The following PDGFRB variants were observed in gnomAD, a reference collection of about 807,000 sequenced individuals.
PDGFRB encodes platelet-derived growth factor receptor beta.
A neutral mutation model predicts 120.2 loss-of-function variants in PDGFRB; 42 were observed. That is an observed-to-expected ratio of 0.35 (90% CI 0.27 to 0.45). PDGFRB has a LOEUF of 0.45. Ranked by LOEUF, PDGFRB falls within the 20% of genes least tolerant of loss-of-function variation. The pLI is 1.00. For missense variants in PDGFRB, 1,149 were observed against 1,476.3 expected, an observed-to-expected ratio of 0.78 and a Z score of 3.63; for synonymous variants, 586 against 606.8, an observed-to-expected ratio of 0.97 and a Z score of 0.50.
rs2113889398 is a variant in PDGFRB at position 150,121,184 on chromosome 5, C to T, written c.2463+20G>A. 7.2e-7 allele frequency: 1 copy of T among 1,380,422 alleles called. No homozygotes were observed. The allele number at this position is 1,380,422 out of a possible 1,614,324, so 85.5% of individuals were successfully genotyped here. On this transcript the variant is annotated intron_variant, in intron 17 of 22. Coordinates refer to ENST00000261799, the MANE Select transcript of PDGFRB (RefSeq NM_002609.4). The surrounding 1 kb of genome is among the most constrained non-coding windows in gnomAD (Gnocchi z 4.1). ...CACCTCCCCACAGCCCCCACTCTGCCCCACCAACACCACACGTACGTTCTT... is the reference window on the plus strand; with the variant it reads ...CACCTCCCCACAGCCCCCACTCTGCTCCACCAACACCACACGTACGTTCTT...
At chr5:150,122,982 G>T in intron 15 of PDGFRB, 60 bp downstream of exon 15, 1 of 1,410,974 alleles carries the variant, frequency 7.1e-7, no homozygotes, top group Non-Finnish European at 9.9e-7. Flanking sequence ...CAAAAGGAGG[G>T]GAAGGAGCGG....
At chr5:150,138,788 T>G (rs930004007) in intron 1 of PDGFRB, among the ~76,000 whole-genome samples, 4 of 152,206 alleles carry the variant, frequency 2.6e-5, no homozygotes, top group African/African-American at 9.6e-5. Context: ...CCTCCGTCGG[T>G]GCCCCTCTGG....
At position 150,123,075 on chromosome 5, in the gene PDGFRB, C is replaced by T. The variant is rs760905425; in HGVS notation, c.2150G>A (p.Ser717Asn). The change falls in exon 15 of 23, where the codon AGC becomes AAC. Residue 717 changes from serine to asparagine, a missense_variant. Around this residue, in one of 3 missense-constraint regions of PDGFRB, gnomAD observed 879 missense variants for 1,108.6 expected, o/e 0.79. Coordinates refer to ENST00000261799, the MANE Select transcript of PDGFRB (RefSeq NM_002609.4). ...KRRPPSAELY[S>N]NALPVGLPLP... Reference sequence around the variant, plus strand: ...GGGGAGCCCAACGGGCAGAGCATTGCTGTAGAGCTCCGCGCTGGGCGGGCG... The same window carrying T: ...GGGGAGCCCAACGGGCAGAGCATTGTTGTAGAGCTCCGCGCTGGGCGGGCG... 5 of 1,613,626 alleles carry T rather than the reference C, an allele frequency of 3.1e-6. No individual in the cohort carries two copies. In the South Asian group the frequency reaches 5.5e-5, roughly 18 times the overall value.
chr5:150,139,605 A>G (rs939418654), intron 1 of PDGFRB, among the ~76,000 whole-genome samples: 2 of 152,116 alleles, frequency 1.3e-5, no homozygotes, highest in African/African-American at 2.4e-5. Context: ...AATTTCCATG[A>G]CTATTCAGCC....
At position 150,115,444 on chromosome 5, in the gene PDGFRB, GA is replaced by G. The variant is rs2113879409; in HGVS notation, c.*318del. The G allele has an allele frequency of 3.6e-6, 1 of 280,794 alleles. No individual in the cohort carries two copies. The highest frequency in any genetic ancestry group is 5.4e-5 in the East Asian group (1 of 18,422). The allele number at this position is 280,794 out of a possible 1,614,324, so 17.4% of individuals were successfully genotyped here. On this transcript the variant is annotated 3_prime_UTR_variant, in exon 23 of 23. Coordinates refer to ENST00000261799, the MANE Select transcript of PDGFRB (RefSeq NM_002609.4). ...TCGGTCTCCCCACCTGTCAGCCAGG[GA>G]GAGAATCCTAGATTCTGGGTCATCA...
chr5:150,115,307 G>A lies in PDGFRB; in HGVS notation c.*456C>T, dbSNP rs1260438138. ...GGCTAGGGTCTCTTCCCTAGCTCCT[G>A]GGTGGATAAAAGTGCGAGGAGAGAG... On this transcript the variant is annotated 3_prime_UTR_variant, in exon 23 of 23. Coordinates refer to ENST00000261799, the MANE Select transcript of PDGFRB (RefSeq NM_002609.4). The A allele has an allele frequency of 4.3e-6, 1 of 233,602 alleles. No homozygotes were observed. The highest frequency in any genetic ancestry group is 8.4e-6 in the Non-Finnish European group (1 of 118,450). The allele number at this position is 233,602 out of a possible 1,614,324, so 14.5% of individuals were successfully genotyped here.
chr5:150,145,884 AT>A (rs1760909974), intron 1 of PDGFRB, among the ~76,000 whole-genome samples: 1 of 152,238 alleles, frequency 6.6e-6, no homozygotes, highest in Non-Finnish European at 1.5e-5. Flanking sequence ...TCTCAAAAAA[AT>A]AAATTAAAAA....
intron 6 of PDGFRB, 136 bp downstream of exon 6, chr5:150,133,450 A>G (rs1029386168): frequency 1.3e-6 from 1 of 747,464 alleles, no homozygotes; most frequent in Non-Finnish European, 2.3e-6. Context: ...CGGGGCTGTG[A>G]CAGGCACTGG....
At chr5:150,134,192 T>A in intron 4 of PDGFRB, 184 bp from the exon 5 acceptor site, 1 of 617,816 alleles carries the variant, frequency 1.6e-6, no homozygotes, top group South Asian at 1.9e-5. Flanking sequence ...GGAGCAACAG[T>A]AGTGAACAAA....
intron 19 of PDGFRB, 32 bp from the exon 20 acceptor site, chr5:150,119,598 G>A: frequency 7.5e-7 from 1 of 1,340,826 alleles, no homozygotes; most frequent in African/African-American, 1.4e-5. Context: ...AGATACACAG[G>A]CTCAGGGGTG....
intron 1 of PDGFRB, among the ~76,000 whole-genome samples, chr5:150,154,151 T>A (rs1339127434): frequency 6.6e-6 from 1 of 151,542 alleles, no homozygotes; most frequent in Non-Finnish European, 1.5e-5. Context: ...AGGAAGAACC[T>A]AGGAAGGCTG....
intron 3 of PDGFRB, 77 bp downstream of exon 3, chr5:150,135,478 G>T (rs1174800803): frequency 2.2e-6 from 2 of 904,060 alleles, no homozygotes; most frequent in African/African-American, 1.7e-5. Flanking sequence ...ATAAACTAAA[G>T]CACTCTCTGG....
At position 150,121,115 on chromosome 5, in the gene PDGFRB, C is replaced by G; in HGVS notation, c.2463+89G>C. 1 of 1,406,340 alleles carries G rather than the reference C, an allele frequency of 7.1e-7. No homozygotes were observed. The highest frequency in any genetic ancestry group is 1.0e-6 in the Non-Finnish European group (1 of 990,904). The allele number at this position is 1,406,340 out of a possible 1,614,324, so 87.1% of individuals were successfully genotyped here. ...TACAACACTGCCCATGTGCGAGAGG[C>G]CACCCTGGTGTGCTCTTGGAGGATG... On this transcript the variant is annotated intron_variant, in intron 17 of 22. Coordinates refer to ENST00000261799, the MANE Select transcript of PDGFRB (RefSeq NM_002609.4). The surrounding 1 kb of genome is among the most constrained non-coding windows in gnomAD (Gnocchi z 4.1).
chr5:150,135,903 T>A (rs940588066), intron 2 of PDGFRB, 25 bp from the exon 3 acceptor site: 2 of 1,495,160 alleles, frequency 1.3e-6, no homozygotes, highest in Non-Finnish European at 1.8e-6. Flanking sequence ...GTATCAGACA[T>A]CAGGAAACAG....
chr5:150,117,835 C>CAGAAG lies in PDGFRB; in HGVS notation c.2919_2920insCTTCT (p.Asp974LeufsTer7). On this transcript the variant is annotated frameshift_variant, in exon 22 of 23. Coordinates refer to ENST00000261799, the MANE Select transcript of PDGFRB (RefSeq NM_002609.4). LOFTEE classifies it high-confidence loss of function. ...TGGTCACTCCTCAGAAACTCCTCATCCACCTGCTGGTACTTCTGCTCCCGG... is the reference window on the plus strand; with the variant it reads ...TGGTCACTCCTCAGAAACTCCTCATCAGAAGCACCTGCTGGTACTTCTGCTCCCGG... 1 of 1,608,360 alleles carries CAGAAG rather than the reference C, an allele frequency of 6.2e-7. No individual in the cohort carries two copies. The highest frequency in any genetic ancestry group is 1.1e-5 in the South Asian group (1 of 90,804).
Position 150,137,037 on chromosome 5 carries a change from G to A in PDGFRB, c.11C>T (p.Pro4Leu), listed in dbSNP as rs144923639. 21 of 1,613,530 alleles carry A rather than the reference G, an allele frequency of 1.3e-5. No individual in the cohort carries two copies. The African/African-American group carries it at 1.3e-4, about 10-fold the overall frequency. The change falls in exon 2 of 23, where the codon CCG (proline) becomes CTG (leucine). Residue 4 changes from proline (P) to leucine (L), a missense_variant. Transcript: ENST00000261799. MRLPGAMPALALKG... is the reference protein window; with the variant it reads MRLLGAMPALALKG... ...GAGGGCCAGAGCTGGCATCGCACCC[G>A]GAAGCCGCATGGTGTCCTGCAGAGT...
intron 10 of PDGFRB, among the ~76,000 whole-genome samples, 186 bp downstream of exon 10, chr5:150,129,571 G>A (rs1242809503): frequency 6.6e-6 from 1 of 152,210 alleles, no homozygotes; most frequent in African/African-American, 2.4e-5. Context: ...GTACACGTGT[G>A]TACCCATATT....
intron 1 of PDGFRB, among the ~76,000 whole-genome samples, chr5:150,138,179 C>G (rs977847787): frequency 6.6e-6 from 1 of 152,174 alleles, no homozygotes; most frequent in East Asian, 1.9e-4. Flanking sequence ...GGACAGGGGT[C>G]GCAGAGCATG....
Position 150,120,978 on chromosome 5 carries a change from C to A in PDGFRB, c.2496G>T (p.Val832=). The change falls in exon 18 of 23, where the codon GTG becomes GTT. Residue 832 remains valine (V), a synonymous_variant. Transcript: ENST00000261799. This position sits in a 1 kb window ranked among gnomAD's most constrained non-coding sequence, Gnocchi z 4.3. ...TGACCAGCTTGCCTTCACAGATGAG[C>A]ACGTTCCTAGCCGCCAGGTCTCTGT... ...CVHRDLAARN[V]LICEGKLVKI... is the part of the protein sequence containing the mutation. The A allele has an allele frequency of 6.2e-7, 1 of 1,613,890 alleles. No homozygotes were observed. The highest frequency in any genetic ancestry group is 2.2e-5 in the East Asian group (1 of 44,884).
Sources: allele counts gnomAD v4.1 joint callset (sites outside exome capture counted in the v4.1 genomes callset), GRCh38; gene constraint gnomAD v4.1.1; regional missense constraint gnomAD v4.1.1; non-coding constraint Gnocchi (gnomAD v3.1); transcripts MANE v1.5; gene names NCBI Gene and HGNC (gene_info 2026-07-23, HGNC 2026-07-21).